Variants in RASA2 observed in about 807,000 individuals in gnomAD.
The protein encoded by RASA2 is ras GTPase-activating protein 2.
RASA2 carries 155 observed loss-of-function variants against 118.2 expected under a neutral mutation model. That is an observed-to-expected ratio of 1.31 (90% CI 1.15 to 1.50). The LOEUF is 1.50. RASA2 is among the 40% of genes most tolerant of loss of function. RASA2 has a pLI of 0.00. For missense variants in RASA2, 1,016 were observed against 1,009.6 expected (o/e 1.01, Z -0.09); for synonymous variants, 353 against 349.1 (o/e 1.01, Z -0.12).
chr3:141,575,295 G>A (rs1452521884), intron 14 of RASA2, among the ~76,000 whole-genome samples: 1 of 152,198 alleles, frequency 6.6e-6, no homozygotes, highest in Non-Finnish European at 1.5e-5. Flanking sequence ...AATTAGTGGG[G>A]CTGAGTTGTC....
chr3:141,604,904 A>C (rs2083523095), intron 19 of RASA2, among the ~76,000 whole-genome samples: 1 of 152,026 alleles, frequency 6.6e-6, no homozygotes, highest in Admixed American at 6.6e-5. Flanking sequence ...TTAAAGTATA[A>C]CAAAAATATA....
At position 141,580,433 on chromosome 3, in the gene RASA2, G is replaced by A; in HGVS notation, c.1656G>A (p.Gly552=). The change falls in exon 16 of 24, where the codon GGG becomes GGA. Residue 552 remains glycine, a synonymous_variant. Coordinates refer to ENST00000286364, the MANE Select transcript of RASA2 (RefSeq NM_006506.5). ...SKTIQTLGSW[G]SLSKSKSSFK... ...CTATACAAACTTTGGGAAGCTGGGG[G>A]AGTCTGTCCAAAAGCAAGGTAAGTC... 6.2e-7 allele frequency: 1 copy of A among 1,605,628 alleles called. No individual in the cohort carries two copies. The highest frequency in any genetic ancestry group is 8.5e-7 in the Non-Finnish European group (1 of 1,173,696).
At chr3:141,513,074 A>AAC (rs1559998942) in intron 2 of RASA2, among the ~76,000 whole-genome samples, 1 of 149,000 alleles carries the variant, frequency 6.7e-6, no homozygotes, top group East Asian at 1.9e-4. Context: ...AGAAAAAAAA[A>AAC]AAAAAACAAA....
chr3:141,522,203 C>A (rs989054806), intron 3 of RASA2, among the ~76,000 whole-genome samples: 1 of 151,970 alleles, frequency 6.6e-6, no homozygotes, highest in Admixed American at 6.6e-5. Context: ...CCAACACACA[C>A]AGATTGTGCT....
At chr3:141,507,691 A>G (rs1317720745) in intron 1 of RASA2, among the ~76,000 whole-genome samples, 1 of 152,208 alleles carries the variant, frequency 6.6e-6, no homozygotes, top group South Asian at 2.1e-4. Flanking sequence ...CTTAATATTC[A>G]TGAAATCTGT....
intron 3 of RASA2, among the ~76,000 whole-genome samples, chr3:141,524,875 G>A (rs1462003135): frequency 6.6e-6 from 1 of 152,104 alleles, no homozygotes; most frequent in East Asian, 1.9e-4. Flanking sequence ...ACACGCGTGA[G>A]CCACCATGCC....
chr3:141,588,119 T>C (rs913671374), intron 19 of RASA2, among the ~76,000 whole-genome samples: 9 of 152,258 alleles, frequency 5.9e-5, no homozygotes, highest in East Asian at 5.8e-4. Context: ...CACAAAATCC[T>C]CTTAGATTTT....
chr3:141,571,394 T>C lies in RASA2; in HGVS notation c.1021-12T>C, dbSNP rs2082917323. 1.2e-6 allele frequency: 2 copies of C among 1,608,776 alleles called. No individual in the cohort carries two copies. Among genetic ancestry groups the C allele is most frequent in the Non-Finnish European group, 1.7e-6 (2 of 1,178,092 alleles). On this transcript the variant is annotated splice_polypyrimidine_tract_variant and intron_variant, in intron 10 of 23. Coordinates refer to ENST00000286364, the MANE Select transcript of RASA2 (RefSeq NM_006506.5). ...TGATGTTTGTGCTTGTTTTCTACCT[T>C]TCTGTATTTAGCCAATATCTGCCTC...
chr3:141,523,672 A>G (rs2082145066), intron 3 of RASA2, among the ~76,000 whole-genome samples: 1 of 152,168 alleles, frequency 6.6e-6, no homozygotes, highest in African/African-American at 2.4e-5. Context: ...TCAAACAAGT[A>G]AACTATGACT....
chr3:141,493,148 T>C (rs1241736179), intron 1 of RASA2, among the ~76,000 whole-genome samples: 1 of 152,232 alleles, frequency 6.6e-6, no homozygotes, highest in African/African-American at 2.4e-5. Flanking sequence ...TCTAGAATGC[T>C]ATATGAGATT....
At chr3:141,543,758 T>C (rs1159459553) in intron 5 of RASA2, among the ~76,000 whole-genome samples, 1 of 152,086 alleles carries the variant, frequency 6.6e-6, no homozygotes, top group Non-Finnish European at 1.5e-5. Context: ...TGATGTGAAG[T>C]TCATTGTCAT....
intron 19 of RASA2, among the ~76,000 whole-genome samples, chr3:141,600,857 G>A (rs1322764897): frequency 6.6e-6 from 1 of 152,156 alleles, no homozygotes; most frequent in Non-Finnish European, 1.5e-5. Flanking sequence ...CATAGCCAAA[G>A]CAATGTTGAA....
chr3:141,596,339 A>G (rs1461703012), intron 19 of RASA2, among the ~76,000 whole-genome samples: 1 of 152,218 alleles, frequency 6.6e-6, no homozygotes, highest in Admixed American at 6.5e-5. Flanking sequence ...CAAATATATC[A>G]AAGTTTGTGG....
intron 19 of RASA2, among the ~76,000 whole-genome samples, chr3:141,604,429 A>G (rs1176387139): frequency 2.0e-5 from 3 of 152,158 alleles, no homozygotes; most frequent in African/African-American, 4.8e-5. Context: ...ATTAATGTCT[A>G]CAGTTGATCC....
intron 1 of RASA2, among the ~76,000 whole-genome samples, chr3:141,501,215 G>C (rs2081774091): frequency 6.6e-6 from 1 of 152,150 alleles, no homozygotes; most frequent in African/African-American, 2.4e-5. Context: ...AGGTATAAAG[G>C]TTGGACGTGT....
At chr3:141,568,005 G>C (rs1048228239) in intron 9 of RASA2, among the ~76,000 whole-genome samples, 1 of 152,138 alleles carries the variant, frequency 6.6e-6, no homozygotes, top group Non-Finnish European at 1.5e-5. Flanking sequence ...TTAGTAAGGA[G>C]GGTTGAAATT....
At position 141,586,681 on chromosome 3, in the gene RASA2, T is replaced by C. The variant is rs773589031; in HGVS notation, c.1862T>C (p.Ile621Thr). 5.6e-6 allele frequency: 9 copies of C among 1,613,420 alleles called. No individual in the cohort carries two copies. Among genetic ancestry groups the C allele is most frequent in the Admixed American group, 1.7e-5 (1 of 59,980 alleles). ...MYKRAQGRTRIGKKNFKKRWF... is the reference protein window; with the variant it reads ...MYKRAQGRTRTGKKNFKKRWF... The stretch of plus-strand genomic sequence containing the variant: ...AAAAGAGCTCAAGGAAGAACTCGGA[T>C]TGGAAAAAAGAATTTTAAGAAACGA... The change falls in exon 19 of 24, where the codon ATT (isoleucine) becomes ACT (threonine). Residue 621 changes from isoleucine to threonine, a missense_variant. Coordinates refer to ENST00000286364, the MANE Select transcript of RASA2 (RefSeq NM_006506.5).
In RASA2 at chr3:141,570,439, C is replaced by T. The variant is rs567227623; in HGVS notation, c.864-473C>T. 1.4e-3 allele frequency among the ~76,000 whole-genome samples: 211 copies of T among 152,222 alleles called. 1 individual carries two copies. Among genetic ancestry groups the T allele is most frequent in the African/African-American group, 4.6e-3 (190 of 41,530 alleles). On this transcript the variant is annotated intron_variant, in intron 9 of 23. Transcript: ENST00000286364. ...TTCACCATGGTGGCCAGGCTGGTCTCGAACTCCTGACCTCAAGTGATCTGC... is the reference window on the plus strand; with the variant it reads ...TTCACCATGGTGGCCAGGCTGGTCTTGAACTCCTGACCTCAAGTGATCTGC...
At chr3:141,552,040 ATTAC>A (rs763371591) in intron 5 of RASA2, among the ~76,000 whole-genome samples, 17 of 152,254 alleles carry the variant, frequency 1.1e-4, no homozygotes, top group Middle Eastern at 6.8e-3. Context: ...ATTTAATAAT[ATTAC>A]TTAAGTTTTG....
Sources: allele counts gnomAD v4.1 joint callset (sites outside exome capture counted in the v4.1 genomes callset), GRCh38; gene constraint gnomAD v4.1.1; transcripts MANE v1.5; gene names NCBI Gene and HGNC (gene_info 2026-07-23, HGNC 2026-07-21).